Variants in RIMS1 observed in about 807,000 individuals in gnomAD.
The protein encoded by RIMS1 is regulating synaptic membrane exocytosis protein 1.
In RIMS1, 83 loss-of-function variants were observed where a neutral mutation model predicts 214.1. That is an observed-to-expected ratio of 0.39 (90% confidence interval 0.32 to 0.47). The LOEUF (loss-of-function observed/expected upper bound fraction) is 0.47, where lower values mean the gene tolerates loss of function less well. RIMS1 is among the 20% of genes least tolerant of loss of function. The pLI is 0.99. For synonymous variants in RIMS1, 793 were observed against 786.8 expected, an observed-to-expected ratio of 1.01 and a Z score of -0.13; for missense variants, 2,050 against 2,161.8, an observed-to-expected ratio of 0.95 and a Z score of 1.03.
intron 6 of RIMS1, among the ~76,000 whole-genome samples, chr6:72,221,291 A>AGTGTGTGTGT (rs71540331): frequency 0.012 from 1,725 of 138,600 alleles, 40 homozygotes; most frequent in African/African-American, 0.043. Flanking sequence ...ATCTGGGGTG[A>AGTGTGTGTGT]GTGTGTGTGT....
chr6:72,005,999 G>A (rs552520475), intron 2 of RIMS1, among the ~76,000 whole-genome samples: 1 of 152,314 alleles, frequency 6.6e-6, no homozygotes, highest in South Asian at 2.1e-4. Context: ...AGTTTTGGAG[G>A]TTGGAAGTCC....
chr6:72,010,281 C>A (rs901205810), intron 2 of RIMS1, among the ~76,000 whole-genome samples: 1 of 152,102 alleles, frequency 6.6e-6, no homozygotes, highest in Non-Finnish European at 1.5e-5. Flanking sequence ...ATTCAACAGC[C>A]CTTCATGCTA....
intron 2 of RIMS1, among the ~76,000 whole-genome samples, chr6:72,087,222 T>A (rs1360921810): frequency 6.6e-6 from 1 of 152,216 alleles, no homozygotes; most frequent in Non-Finnish European, 1.5e-5. Flanking sequence ...AAGATGCTTT[T>A]ATAACCCATG....
chr6:72,374,743 G>A (rs1044435599), intron 29 of RIMS1, among the ~76,000 whole-genome samples: 1 of 152,060 alleles, frequency 6.6e-6, no homozygotes, highest in Non-Finnish European at 1.5e-5. Context: ...TGATTAAAGT[G>A]CATTACTTTT....
Position 72,311,839 on chromosome 6 carries a change from C to T in RIMS1, c.3964-1667C>T, listed in dbSNP as rs1280388303. ...ACAAAAAACTAGCCAGGTGTGGCAC[C>T]GTGCGCCTGTAGTCCCAGCTACTTG... On this transcript the variant is annotated intron_variant, in intron 27 of 33. Coordinates refer to ENST00000521978, the MANE Select transcript of RIMS1 (RefSeq NM_014989.7). 5.9e-5 allele frequency among the ~76,000 whole-genome samples: 9 copies of T among 152,108 alleles called. No individual in the cohort carries two copies. The East Asian group carries it at 9.7e-4, about 16-fold the overall frequency.
chr6:72,045,878 G>GT lies in RIMS1; in HGVS notation c.246-51060dup, dbSNP rs544854073. On this transcript the variant is annotated intron_variant, in intron 2 of 33. Coordinates refer to ENST00000521978, the MANE Select transcript of RIMS1 (RefSeq NM_014989.7). ...TCTTTGTATTATTTATTGGTGTTAAGTTTTTTTTTTTAAATTGAAACCCTT... is the reference window on the plus strand; with the variant it reads ...TCTTTGTATTATTTATTGGTGTTAAGTTTTTTTTTTTTAAATTGAAACCCTT... Among the ~76,000 whole-genome samples, 492 of 144,440 alleles carry GT rather than the reference G, an allele frequency of 3.4e-3. 9 individuals are homozygous for GT. In the East Asian group the frequency reaches 0.058, roughly 17 times the overall value. The allele number at this position is 144,440 out of a possible 152,430, so 94.8% of individuals were successfully genotyped here. A position where few individuals can be genotyped will look rare whatever the true frequency, so the allele number is the denominator to read the frequency against.
rs1405489885 is a variant in RIMS1 at position 72,213,202 on chromosome 6, A to C, written c.1679-20571A>C. The C allele has an allele frequency of 2.0e-6, 3 of 1,536,620 alleles. 1 individual carries two copies. The Admixed American group carries it at 5.9e-5, about 30-fold the overall frequency. ...GTTGATTCCGAAGAGGGAACAATTG[A>C]AGCTCGACGAGCAGTTGCTGGTAAG... On this transcript the variant is annotated intron_variant, in intron 6 of 33. Transcript: ENST00000521978.
At chr6:72,085,810 A>G (rs1242605381) in intron 2 of RIMS1, among the ~76,000 whole-genome samples, 1 of 152,152 alleles carries the variant, frequency 6.6e-6, no homozygotes, top group Non-Finnish European at 1.5e-5. Context: ...AACACCTCTT[A>G]CAAAGCAATA....
intron 28 of RIMS1, among the ~76,000 whole-genome samples, chr6:72,325,245 C>T (rs2096397657): frequency 6.6e-6 from 1 of 151,514 alleles, no homozygotes. Flanking sequence ...AATAGAGAGA[C>T]CCCAAACAAA....
chr6:72,260,747 A>C lies in RIMS1; in HGVS notation c.3096A>C (p.Ala1032=), dbSNP rs1164705101. 1.2e-6 allele frequency: 2 copies of C among 1,612,460 alleles called. No homozygotes were observed. Among genetic ancestry groups the C allele is most frequent in the South Asian group, 2.2e-5 (2 of 90,956 alleles). The change falls in exon 19 of 34, where the codon GCA becomes GCC. Residue 1032 remains alanine (A), a synonymous_variant. Transcript: ENST00000521978. ...MLPRAKRGRS[A]ECLHTTRHLV... ...CCAGAGCAAAACGAGGACGAAGTGC[A>C]GAATGCCTACATACTACCAGGTAAA...
intron 28 of RIMS1, among the ~76,000 whole-genome samples, chr6:72,326,667 C>T (rs1004498032): frequency 1.2e-3 from 175 of 151,636 alleles, no homozygotes; most frequent in African/African-American, 3.9e-3. Flanking sequence ...GACTCCATAC[C>T]CCCATTCCAG....
intron 29 of RIMS1, among the ~76,000 whole-genome samples, chr6:72,342,034 A>G (rs1192266142): frequency 2.0e-5 from 3 of 151,814 alleles, no homozygotes; most frequent in African/African-American, 4.8e-5. Context: ...AGTAATAGGT[A>G]TTCTGTACCT....
intron 6 of RIMS1, among the ~76,000 whole-genome samples, chr6:72,222,880 C>T (rs2807529): frequency 0.71 from 107,225 of 152,060 alleles, 38,689 homozygotes; most frequent in East Asian, 0.98. Flanking sequence ...TCATGCACTC[C>T]TTAACACAAT....
chr6:72,094,695 A>G (rs559000068), intron 2 of RIMS1, among the ~76,000 whole-genome samples: 20 of 152,288 alleles, frequency 1.3e-4, no homozygotes, highest in Non-Finnish European at 2.6e-4. Context: ...ATGACCCTCA[A>G]AGTCTAAAAT....
chr6:72,248,209 C>G lies in RIMS1; in HGVS notation c.2241+82C>G, dbSNP rs1643387925. On this transcript the variant is annotated intron_variant, in intron 12 of 33. Coordinates refer to ENST00000521978, the MANE Select transcript of RIMS1 (RefSeq NM_014989.7). ...CTGTCTTTAAATATGTTCGCCTTTC[C>G]TTGAAGCCTGCAATAAATACATAGT... 6.4e-6 allele frequency: 5 copies of G among 781,272 alleles called. No homozygotes were observed. In the Admixed American group the frequency reaches 1.2e-4, roughly 19 times the overall value. The allele number at this position is 781,272 out of a possible 1,614,324, so 48.4% of individuals were successfully genotyped here. A position where few individuals can be genotyped will look rare whatever the true frequency, so the allele number is the denominator to read the frequency against.
intron 4 of RIMS1, among the ~76,000 whole-genome samples, chr6:72,141,958 AT>A (rs1238628169): frequency 6.6e-6 from 1 of 151,992 alleles, no homozygotes; most frequent in Admixed American, 6.6e-5. Flanking sequence ...TAATAAAAAT[AT>A]TTTTACTTTG....
chr6:72,097,251 G>A, intron 3 of RIMS1, 89 bp downstream of exon 3: 1 of 1,100,432 alleles, frequency 9.1e-7, no homozygotes, highest in South Asian at 1.3e-5. Context: ...ATCTTAGAAA[G>A]CAGACATGTG....
chr6:72,036,552 C>G (rs982306278), intron 2 of RIMS1, among the ~76,000 whole-genome samples: 1 of 152,180 alleles, frequency 6.6e-6, no homozygotes, highest in Non-Finnish European at 1.5e-5. Context: ...CTTCCATCCT[C>G]AGCTCTGTAA....
intron 7 of RIMS1, among the ~76,000 whole-genome samples, chr6:72,234,799 T>A (rs1254428471): frequency 6.6e-6 from 1 of 152,018 alleles, no homozygotes; most frequent in Non-Finnish European, 1.5e-5. Flanking sequence ...TTCCAGAATG[T>A]CACATGGTTA....
Sources: gnomAD v4.1 joint callset for allele counts (sites outside exome capture counted in the v4.1 genomes callset) on GRCh38, gnomAD v4.1.1 for gene constraint, MANE v1.5 for transcripts, NCBI Gene and HGNC (gene_info 2026-07-23, HGNC 2026-07-21) for gene names.